Variants in CDH12 observed in about 807,000 individuals in gnomAD.
CDH12 encodes the protein cadherin-12.
Under a neutral mutation model 74.1 loss-of-function variants are expected in CDH12, and 41 were observed. That is an observed-to-expected ratio of 0.55 (90% CI 0.43 to 0.72). The LOEUF is 0.72. Among genes scored for constraint, CDH12 ranks in the 30% least tolerant of loss-of-function variants. The probability of loss-of-function intolerance (pLI) is 0.00; values close to 1 mark genes in which losing one functional copy is unlikely to be tolerated. For synonymous variants in CDH12, 399 were observed against 355.0 expected (o/e 1.12, Z -1.39); for missense variants, 945 against 977.2 (o/e 0.97, Z 0.44).
chr5:22,653,575 G>A (rs777663156), intron 1 of CDH12, among the ~76,000 whole-genome samples: 3 of 151,960 alleles, frequency 2.0e-5, no homozygotes, highest in Non-Finnish European at 4.4e-5. Context: ...TATCATACCT[G>A]CTGCATGCAA....
At chr5:22,528,629 T>C (rs1258875223) in intron 1 of CDH12, among the ~76,000 whole-genome samples, 1 of 152,150 alleles carries the variant, frequency 6.6e-6, no homozygotes, top group South Asian at 2.1e-4. Context: ...TTTAAATTCC[T>C]AAGCTCATCA....
At chr5:22,133,409 T>C (rs1233518009) in intron 4 of CDH12, among the ~76,000 whole-genome samples, 3 of 152,134 alleles carry the variant, frequency 2.0e-5, no homozygotes, top group African/African-American at 7.2e-5. Context: ...CAGAAATCTG[T>C]GGGAAAATTT....
chr5:22,119,016 CAAG>C (rs750451836), intron 4 of CDH12, among the ~76,000 whole-genome samples: 8 of 152,012 alleles, frequency 5.3e-5, no homozygotes, highest in African/African-American at 1.9e-4. Flanking sequence ...AATTTGAGAA[CAAG>C]AAGAAGTAAT....
intron 4 of CDH12, among the ~76,000 whole-genome samples, chr5:22,085,995 T>G (rs1469998018): frequency 6.6e-6 from 1 of 152,228 alleles, no homozygotes; most frequent in African/African-American, 2.4e-5. Context: ...TGGTACTTTT[T>G]GAAAAGCCTT....
At chr5:22,165,194 G>GT (rs1206205431) in intron 4 of CDH12, among the ~76,000 whole-genome samples, 1 of 152,084 alleles carries the variant, frequency 6.6e-6, no homozygotes, top group Non-Finnish European at 1.5e-5. Context: ...TTCATTCAGG[G>GT]TAAGAGTCAA....
chr5:22,582,031 T>C (rs1391389705), intron 1 of CDH12, among the ~76,000 whole-genome samples: 1 of 152,132 alleles, frequency 6.6e-6, no homozygotes, highest in East Asian at 1.9e-4. Flanking sequence ...GTAGTATGTA[T>C]GTGCAGATTA....
intron 1 of CDH12, among the ~76,000 whole-genome samples, chr5:22,807,823 A>G (rs1045758027): frequency 2.0e-5 from 3 of 151,658 alleles, no homozygotes; most frequent in African/African-American, 7.3e-5. Context: ...GCAGTTCCTG[A>G]AGTTGCTCTG....
chr5:22,200,998 CA>C (rs1451790313), intron 4 of CDH12, among the ~76,000 whole-genome samples: 1 of 151,910 alleles, frequency 6.6e-6, no homozygotes, highest in Non-Finnish European at 1.5e-5. Flanking sequence ...TTGTAGGGGC[CA>C]AAAAACACTT....
intron 1 of CDH12, among the ~76,000 whole-genome samples, chr5:22,750,485 A>T (rs986833589): frequency 3.3e-5 from 5 of 152,164 alleles, no homozygotes; most frequent in Non-Finnish European, 7.4e-5. Flanking sequence ...TAATATTATC[A>T]TTATGGTAAT....
chr5:22,714,908 CA>C lies in CDH12; in HGVS notation c.-523+138149del, dbSNP rs532310878. ...ATGTAAAACTCCTTTTTTGATGGAA[CA>C]CTTTTTAGATGGAATACTGGTGCAT... On this transcript the variant is annotated intron_variant, in intron 1 of 14. Transcript: ENST00000382254. 2.5e-3 allele frequency among the ~76,000 whole-genome samples: 387 copies of C among 152,276 alleles called. 1 individual carries two copies. Among genetic ancestry groups the C allele is most frequent in the African/African-American group, 8.9e-3 (369 of 41,570 alleles).
intron 11 of CDH12, among the ~76,000 whole-genome samples, chr5:21,772,819 T>G (rs1296014310): frequency 6.6e-6 from 1 of 152,180 alleles, no homozygotes; most frequent in Admixed American, 6.5e-5. Context: ...TTTCAACCTT[T>G]AGGTGAAAAG....
intron 1 of CDH12, among the ~76,000 whole-genome samples, chr5:22,548,929 G>A (rs1738445535): frequency 6.6e-6 from 1 of 151,538 alleles, no homozygotes; most frequent in African/African-American, 2.4e-5. Context: ...CCAAATCCAG[G>A]GTTTTTTGTT....
chr5:22,799,536 C>T (rs554639407), intron 1 of CDH12, among the ~76,000 whole-genome samples: 11 of 152,212 alleles, frequency 7.2e-5, no homozygotes, highest in African/African-American at 2.6e-4. Flanking sequence ...AGAAGAATAA[C>T]TCTTAATTTT....
chr5:22,382,416 A>G (rs1741806913), intron 3 of CDH12, among the ~76,000 whole-genome samples: 1 of 151,840 alleles, frequency 6.6e-6, no homozygotes, highest in Non-Finnish European at 1.5e-5. Flanking sequence ...CAGTGTCACA[A>G]GTCCCTGACT....
chr5:22,037,893 C>T (rs879407060), intron 5 of CDH12, among the ~76,000 whole-genome samples: 8 of 152,106 alleles, frequency 5.3e-5, no homozygotes, highest in Non-Finnish European at 1.0e-4. Context: ...CACCTCATTC[C>T]CGAGTCAGGA....
chr5:22,238,795 T>A (rs188122684), intron 3 of CDH12, among the ~76,000 whole-genome samples: 1 of 152,344 alleles, frequency 6.6e-6, no homozygotes, highest in Admixed American at 6.5e-5. Flanking sequence ...TTTCATTTAA[T>A]CACATGTATA....
chr5:21,813,082 A>G (rs780224672), intron 9 of CDH12, among the ~76,000 whole-genome samples: 2 of 152,058 alleles, frequency 1.3e-5, no homozygotes, highest in Non-Finnish European at 2.9e-5. Context: ...CCACATTTCT[A>G]TCTGTTTCCC....
rs111963163 is a variant in CDH12, at chr5:22,592,192, C to A, written c.-522-86828G>T. On this transcript the variant is annotated intron_variant, in intron 1 of 14. Transcript: ENST00000382254. ...TACATTTATGAATTAAAAATAAAAT[C>A]TCTGATCAACTCATCTGGGCCTTTT... Among the ~76,000 whole-genome samples, 858 of 152,292 alleles carry A rather than the reference C, an allele frequency of 5.6e-3. 9 individuals carry two copies. The highest frequency in any genetic ancestry group is 0.02 in the African/African-American group (823 of 41,558).
At chr5:21,880,616 C>CTCTCTCTCTTTCTTTCT (rs1752255658) in intron 6 of CDH12, among the ~76,000 whole-genome samples, 1 of 50,810 alleles carries the variant, frequency 2.0e-5, no homozygotes, top group African/African-American at 8.8e-5. Flanking sequence ...TCCTTCCTTC[C>CTCTCTCTCTTTCTTTCT]TTCTTTCTTT....
Sources: gnomAD v4.1 joint callset for allele counts (sites outside exome capture counted in the v4.1 genomes callset) on GRCh38, gnomAD v4.1.1 for gene constraint, MANE v1.5 for transcripts, NCBI Gene and HGNC (gene_info 2026-07-23, HGNC 2026-07-21) for gene names.